MAP3K5: variants seen among roughly 807,000 people sequenced by gnomAD.
The protein encoded by MAP3K5 is mitogen-activated protein kinase kinase kinase 5, also known as ASK-1.
MAP3K5 carries 56 observed loss-of-function variants against 158.7 expected under a neutral mutation model. That is an observed-to-expected ratio of 0.35 (90% CI 0.28 to 0.44). The LOEUF (loss-of-function observed/expected upper bound fraction) is 0.44, where lower values mean the gene tolerates loss of function less well. Ranked by LOEUF, MAP3K5 falls within the 20% of genes least tolerant of loss-of-function variation. The pLI, the probability that MAP3K5 is intolerant of heterozygous loss-of-function variation, is 1.00. For missense variants in MAP3K5, 1,294 were observed against 1,674.8 expected (o/e 0.77, Z 3.97); for synonymous variants, 579 against 601.7 (o/e 0.96, Z 0.55).
chr6:136,792,954 G>T (rs1214287841), upstream of MAP3K5, among the ~76,000 whole-genome samples: 2 of 152,172 alleles, frequency 1.3e-5, no homozygotes, highest in African/African-American at 4.8e-5. This position sits in a 1 kb window ranked among gnomAD's most constrained non-coding sequence, Gnocchi z 5.7. Flanking sequence ...ACCGCGCTGC[G>T]GCCCTGGGAC....
chr6:136,663,283 T>G (rs1055199428), intron 8 of MAP3K5, among the ~76,000 whole-genome samples: 4 of 152,218 alleles, frequency 2.6e-5, no homozygotes, highest in African/African-American at 9.6e-5. Flanking sequence ...AAAACTACAA[T>G]GAATGACCAT....
Position 136,613,020 on chromosome 6 carries a change from C to T in MAP3K5, c.2415+100G>A. ...GCTGTTTCTAAGATTTACTTATTCACCATTCTAAATTAATACTCATAACAC... is the reference window on the plus strand; with the variant it reads ...GCTGTTTCTAAGATTTACTTATTCATCATTCTAAATTAATACTCATAACAC... On this transcript the variant is annotated intron_variant, in intron 17 of 29. Coordinates refer to ENST00000359015, the MANE Select transcript of MAP3K5 (RefSeq NM_005923.4). The surrounding 1 kb of genome is among the most constrained non-coding windows in gnomAD (Gnocchi z 4.0). The T allele has an allele frequency of 9.1e-7, 1 of 1,094,962 alleles. No individual in the cohort carries two copies. The highest frequency in any genetic ancestry group is 1.3e-6 in the Non-Finnish European group (1 of 782,450). 67.8% of individuals were successfully genotyped at this position (1,094,962 alleles called of 1,614,324 possible). A position where few individuals can be genotyped will look rare whatever the true frequency, so the allele number is the denominator to read the frequency against.
intron 3 of MAP3K5, among the ~76,000 whole-genome samples, chr6:136,703,369 C>G (rs754210424): frequency 4.6e-5 from 7 of 152,196 alleles, no homozygotes; most frequent in Non-Finnish European, 8.8e-5. Context: ...AGGACACTGA[C>G]ATAATGGCTA....
chr6:136,604,302 A>G (rs905279396), intron 19 of MAP3K5, among the ~76,000 whole-genome samples: 1 of 151,930 alleles, frequency 6.6e-6, no homozygotes, highest in African/African-American at 2.4e-5. Context: ...AGCCTGGGTG[A>G]TAGATCGAGA....
At chr6:136,734,052 T>A (rs1562655861) in intron 1 of MAP3K5, among the ~76,000 whole-genome samples, 1 of 151,910 alleles carries the variant, frequency 6.6e-6, no homozygotes, top group Non-Finnish European at 1.5e-5. Context: ...CTATAAAGAG[T>A]ATATAAGAAA....
chr6:136,712,044 T>C (rs1167138629), intron 2 of MAP3K5, among the ~76,000 whole-genome samples: 1 of 152,154 alleles, frequency 6.6e-6, no homozygotes, highest in Non-Finnish European at 1.5e-5. Context: ...GCCTCTCTTT[T>C]CCCTATTAAT....
At chr6:136,763,590 T>A (rs1020981690) in intron 1 of MAP3K5, among the ~76,000 whole-genome samples, 1 of 152,216 alleles carries the variant, frequency 6.6e-6, no homozygotes, top group Non-Finnish European at 1.5e-5. Context: ...AGGTACCTTC[T>A]ATTTTGAATT....
chr6:136,606,263 A>C (rs1291865875), intron 18 of MAP3K5, among the ~76,000 whole-genome samples: 5 of 152,202 alleles, frequency 3.3e-5, no homozygotes, highest in Non-Finnish European at 7.3e-5. Flanking sequence ...AGGCAGGAGA[A>C]TCAGTTGAAC....
intron 3 of MAP3K5, among the ~76,000 whole-genome samples, chr6:136,701,012 G>A (rs1241346108): frequency 1.3e-5 from 2 of 152,220 alleles, no homozygotes; most frequent in East Asian, 3.8e-4. Context: ...GCCAGGGTAT[G>A]AACAGTCATA....
intron 1 of MAP3K5, among the ~76,000 whole-genome samples, chr6:136,772,101 G>A (rs1192631619): frequency 2.1e-5 from 3 of 143,178 alleles, no homozygotes; most frequent in African/African-American, 7.8e-5. Flanking sequence ...GTAGAAATGG[G>A]GGGGGGGGGT....
At chr6:136,748,200 G>C (rs1783044955) in intron 1 of MAP3K5, among the ~76,000 whole-genome samples, 1 of 152,146 alleles carries the variant, frequency 6.6e-6, no homozygotes, top group Non-Finnish European at 1.5e-5. Flanking sequence ...CCACTTTTCT[G>C]AATCAGGTGT....
chr6:136,626,330 G>A (rs1412214033), intron 14 of MAP3K5, among the ~76,000 whole-genome samples: 1 of 152,134 alleles, frequency 6.6e-6, no homozygotes, highest in Non-Finnish European at 1.5e-5. Flanking sequence ...GCTCTGGAAG[G>A]GAGATGACTA....
intron 28 of MAP3K5, 134 bp from the exon 29 acceptor site, chr6:136,559,010 C>G (rs1681000233): frequency 1.7e-6 from 1 of 604,920 alleles, no homozygotes; most frequent in Non-Finnish European, 2.9e-6. Context: ...ACACAATCTT[C>G]CAGGATTATT....
chr6:136,601,474 G>T (rs984142441), intron 20 of MAP3K5, among the ~76,000 whole-genome samples: 3 of 152,004 alleles, frequency 2.0e-5, no homozygotes, highest in Admixed American at 2.0e-4. Context: ...GTGGTAATCT[G>T]GGGTTTCAGC....
chr6:136,759,941 T>C (rs1259083642), intron 1 of MAP3K5, among the ~76,000 whole-genome samples: 2 of 151,720 alleles, frequency 1.3e-5, no homozygotes, highest in Admixed American at 6.6e-5. Flanking sequence ...TCTCACAAAG[T>C]GCATTCTCAA....
At chr6:136,623,463 T>C (rs1776898440) in intron 14 of MAP3K5, among the ~76,000 whole-genome samples, 2 of 152,160 alleles carry the variant, frequency 1.3e-5, no homozygotes, top group Admixed American at 6.5e-5. Flanking sequence ...CAGGTGCCAA[T>C]GATAAAGTCA....
In MAP3K5 at chr6:136,624,694, T is replaced by C. The variant is rs182740343; in HGVS notation, c.2017-1713A>G. Reference sequence around the variant, plus strand: ...CAATGGGTTAAAAAGGAAATGACCATGGGAATTACACAGTAATTTTTTAAA... The same window carrying C: ...CAATGGGTTAAAAAGGAAATGACCACGGGAATTACACAGTAATTTTTTAAA... On this transcript the variant is annotated intron_variant, in intron 14 of 29. Transcript: ENST00000359015. Among the ~76,000 whole-genome samples the C allele has an allele frequency of 5.0e-4, 76 of 152,220 alleles. No individual in the cohort carries two copies. In the Middle Eastern group the frequency reaches 0.01, roughly 20 times the overall value.
chr6:136,716,027 CAAAAAAAAAAAAAAAAAA>C (rs60678515), intron 2 of MAP3K5, among the ~76,000 whole-genome samples: 21 of 23,032 alleles, frequency 9.1e-4, no homozygotes, highest in East Asian at 3.4e-3. Flanking sequence ...AAGATCGTCT[CAAAAAAAAAAAAAAAAAA>C]AAAAAAAAAA....
At chr6:136,604,805 T>C (rs1009359228) in intron 19 of MAP3K5, among the ~76,000 whole-genome samples, 1 of 152,116 alleles carries the variant, frequency 6.6e-6, no homozygotes, top group African/African-American at 2.4e-5. Context: ...CAAACTATTA[T>C]GGTAGAGAAG....
Sources: allele counts gnomAD v4.1 joint callset (sites outside exome capture counted in the v4.1 genomes callset), GRCh38; gene constraint gnomAD v4.1.1; non-coding constraint Gnocchi (gnomAD v3.1); transcripts MANE v1.5; gene names NCBI Gene and HGNC (gene_info 2026-07-23, HGNC 2026-07-21).